The following DNM3 variants were observed in gnomAD, a reference collection of about 807,000 sequenced individuals.
DNM3 encodes dynamin-3.
A neutral mutation model predicts 101.6 loss-of-function variants in DNM3; 47 were observed. The ratio of observed to expected loss-of-function variants is 0.46; its 90% CI spans 0.37 to 0.59. DNM3 has a LOEUF of 0.59. Among genes scored for constraint, DNM3 ranks in the 20% least tolerant of loss-of-function variants. The probability of loss-of-function intolerance (pLI) is 0.00; values close to 1 mark genes in which losing one functional copy is unlikely to be tolerated. For synonymous variants in DNM3, 385 were observed against 387.9 expected, an observed-to-expected ratio of 0.99 and a Z score of 0.09; for missense variants, 849 against 1,085.7, an observed-to-expected ratio of 0.78 and a Z score of 3.06.
At chr1:171,875,679 T>A (rs1282209654) in intron 1 of DNM3, among the ~76,000 whole-genome samples, 1 of 152,172 alleles carries the variant, frequency 6.6e-6, no homozygotes, top group African/African-American at 2.4e-5. Context: ...TGCGAAATTA[T>A]AAAAATAGTA....
At chr1:172,228,127 T>A (rs892017472) in intron 14 of DNM3, among the ~76,000 whole-genome samples, 2 of 152,114 alleles carry the variant, frequency 1.3e-5, no homozygotes, top group African/African-American at 4.8e-5. Context: ...TTTTTCAATT[T>A]TGTTCATTAT....
intron 20 of DNM3, among the ~76,000 whole-genome samples, chr1:172,404,484 A>G (rs1370429584): frequency 1.3e-5 from 2 of 152,078 alleles, no homozygotes; most frequent in Admixed American, 6.6e-5. Context: ...TCTTTCTGCA[A>G]TTGCCTGCTA....
intron 14 of DNM3, among the ~76,000 whole-genome samples, chr1:172,166,315 C>T (rs1165122428): frequency 6.6e-6 from 1 of 152,052 alleles, no homozygotes; most frequent in East Asian, 1.9e-4. Flanking sequence ...AAACAAAATA[C>T]ATTCTTGTGA....
chr1:171,886,063 A>G (rs1030266826), intron 1 of DNM3, among the ~76,000 whole-genome samples: 1 of 152,192 alleles, frequency 6.6e-6, no homozygotes, highest in Admixed American at 6.5e-5. Flanking sequence ...GGAATCTTCC[A>G]TGGGAGCAAT....
chr1:172,132,788 C>A, intron 14 of DNM3: 2 of 669,768 alleles, frequency 3.0e-6, no homozygotes, highest in Admixed American at 2.3e-5. Context: ...CCATATTCAG[C>A]CTTAACTACT....
intron 15 of DNM3, among the ~76,000 whole-genome samples, chr1:172,288,430 A>G (rs754553402): frequency 6.6e-6 from 1 of 152,212 alleles, no homozygotes; most frequent in Non-Finnish European, 1.5e-5. Context: ...CAGATCATTT[A>G]TGATCCTACA....
chr1:172,191,572 T>C (rs1311493346), intron 14 of DNM3, among the ~76,000 whole-genome samples: 1 of 152,190 alleles, frequency 6.6e-6, no homozygotes, highest in Admixed American at 6.6e-5. Context: ...GGTAGCTTGA[T>C]AGGGATGGCA....
chr1:172,038,300 A>T lies in DNM3; in HGVS notation c.850-19A>T. On this transcript the variant is annotated intron_variant, in intron 6 of 20. Transcript: ENST00000627582. ...ATGATTCAATCTTCAATCTGTGTGT[A>T]TCATTTTGTTTTGTTTAGCAACTTA... The T allele has an allele frequency of 6.2e-7, 1 of 1,612,902 alleles. No homozygotes were observed. The highest frequency in any genetic ancestry group is 2.2e-5 in the East Asian group (1 of 44,856).
chr1:172,372,153 AG>A (rs2068370773), intron 17 of DNM3, among the ~76,000 whole-genome samples: 1 of 141,264 alleles, frequency 7.1e-6, no homozygotes, highest in Admixed American at 7.8e-5. Flanking sequence ...CCTAGGAGTG[AG>A]AATATGCGGT....
chr1:171,966,911 C>T (rs1019985255), intron 2 of DNM3, among the ~76,000 whole-genome samples: 23 of 152,180 alleles, frequency 1.5e-4, no homozygotes, highest in African/African-American at 5.3e-4. Context: ...AGCCAGCCTT[C>T]TGTTCAGTCA....
chr1:172,039,715 T>G (rs1336678034), intron 7 of DNM3, among the ~76,000 whole-genome samples: 1 of 152,062 alleles, frequency 6.6e-6, no homozygotes, highest in Non-Finnish European at 1.5e-5. Flanking sequence ...TTCAGCTCCT[T>G]CTTTATGGCC....
chr1:172,281,067 T>TTG (rs141875053), intron 15 of DNM3, among the ~76,000 whole-genome samples: 27,626 of 148,590 alleles, frequency 0.19, 2,607 homozygotes, highest in East Asian at 0.24. Context: ...TGTGATAATA[T>TTG]TGTGTGTGTG....
Position 172,081,907 on chromosome 1 carries a change from G to T in DNM3, c.1493+5G>T, listed in dbSNP as rs2053176603. The T allele has an allele frequency of 1.2e-6, 2 of 1,612,006 alleles. No individual in the cohort carries two copies. The highest frequency in any genetic ancestry group is 1.7e-6 in the Non-Finnish European group (2 of 1,179,016). ...AGACTTCATTGGCTTCGCAAAGTAC[G>T]TGAAACACTTGATGGCCACATGCAT... On this transcript the variant is annotated splice_donor_5th_base_variant and intron_variant, in intron 12 of 20. Transcript: ENST00000627582.
chr1:172,018,741 C>T (rs1168270330), intron 4 of DNM3, among the ~76,000 whole-genome samples: 1 of 152,164 alleles, frequency 6.6e-6, no homozygotes, highest in Non-Finnish European at 1.5e-5. Flanking sequence ...TTATTTTGAA[C>T]AAACTGTTAT....
intron 2 of DNM3, among the ~76,000 whole-genome samples, chr1:171,975,688 T>A (rs1372594458): frequency 1.3e-5 from 2 of 152,222 alleles, no homozygotes; most frequent in African/African-American, 4.8e-5. Context: ...CAGATAAAGA[T>A]TCAAAAGATA....
chr1:172,033,448 G>C (rs57995128), intron 6 of DNM3, among the ~76,000 whole-genome samples, 183 bp downstream of exon 6: 1,654 of 152,102 alleles, frequency 0.011, 35 homozygotes, highest in African/African-American at 0.038. Flanking sequence ...TCAGTGAATA[G>C]AACTCACCTT....
intron 14 of DNM3, among the ~76,000 whole-genome samples, chr1:172,238,575 A>T (rs954110425): frequency 6.6e-6 from 1 of 152,166 alleles, no homozygotes; most frequent in African/African-American, 2.4e-5. Flanking sequence ...GAGTTTTGTT[A>T]TCTTCGTAAG....
intron 2 of DNM3, among the ~76,000 whole-genome samples, chr1:171,941,255 G>A (rs1361169486): frequency 3.3e-5 from 5 of 152,118 alleles, no homozygotes; most frequent in African/African-American, 9.7e-5. Flanking sequence ...ATTGAGGATG[G>A]CTAGGAAAAA....
chr1:172,159,946 A>C (rs1315316344), intron 14 of DNM3, among the ~76,000 whole-genome samples: 1 of 152,036 alleles, frequency 6.6e-6, no homozygotes, highest in African/African-American at 2.4e-5. Context: ...CCTAGGCTAT[A>C]AACCCATACA....
Sources: allele counts gnomAD v4.1 joint callset (sites outside exome capture counted in the v4.1 genomes callset), GRCh38; gene constraint gnomAD v4.1.1; transcripts MANE v1.5; gene names NCBI Gene and HGNC (gene_info 2026-07-23, HGNC 2026-07-21).